ANKRD11: variants seen among roughly 807,000 people sequenced by gnomAD.
The protein encoded by ANKRD11 is ankyrin repeat domain 11.
In ANKRD11, 17 loss-of-function variants were observed where a neutral mutation model predicts 195.7. That is an observed-to-expected ratio of 0.09 (90% CI 0.06 to 0.13). The LOEUF is 0.13. Among genes scored for constraint, ANKRD11 ranks in the 10% least tolerant of loss-of-function variants. ANKRD11 has a pLI of 1.00. For synonymous variants in ANKRD11, 1,953 were observed against 1,528.1 expected (o/e 1.28, Z -6.49); for missense variants, 3,735 against 3,566.1 (o/e 1.05, Z -1.21).
chr16:89,479,780 A>G (rs1357295795), intron 1 of ANKRD11, among the ~76,000 whole-genome samples: 2 of 151,946 alleles, frequency 1.3e-5, no homozygotes, highest in Non-Finnish European at 2.9e-5. Flanking sequence ...CATCTCCACT[A>G]AAAATACAAA....
intron 2 of ANKRD11, chr16:89,320,299 G>A (rs2037228501): frequency 6.6e-6 from 1 of 152,288 alleles, no homozygotes; most frequent in African/African-American, 2.4e-5. Context: ...TCCCTGGAAG[G>A]TGACTTGGCT....
chr16:89,337,105 G>A (rs1318762539), intron 2 of ANKRD11, among the ~76,000 whole-genome samples: 2 of 150,940 alleles, frequency 1.3e-5, no homozygotes, highest in African/African-American at 4.9e-5. Flanking sequence ...AGGATTGCTT[G>A]AACCTGGCAG....
chr16:89,323,181 C>A, intron 2 of ANKRD11: 1 of 588,866 alleles, frequency 1.7e-6, no homozygotes. Context: ...GTGCCTTGTG[C>A]ACACCTCACA....
chr16:89,284,168 CCTT>C lies in ANKRD11; in HGVS notation c.2371_2373del (p.Lys791del), dbSNP rs766042947. 5.0e-6 allele frequency: 8 copies of C among 1,605,140 alleles called. No individual in the cohort carries two copies. Among genetic ancestry groups the C allele is most frequent in the East Asian group, 2.2e-5 (1 of 44,884 alleles). On this transcript the variant is annotated inframe_deletion, in exon 9 of 13. Transcript: ENST00000301030. ...TCTTTATCTTCTTTAAAAATCTTCT[CCTT>C]CTCTTTTGAAATTTTGTCCTCTTTT...
rs977735530 is a variant in ANKRD11, at chr16:89,282,328, G to A, written c.4214C>T (p.Ser1405Phe). ...DFLEADAYGVSYNMKADIEDE... is the reference protein window; with the variant it reads ...DFLEADAYGVFYNMKADIEDE... ...TTCTATGTCAGCTTTCATGTTGTAA[G>A]AAACTCCGTAAGCATCCGCCTCCAG... Residue 1405 changes from serine (S) to phenylalanine (F), a missense_variant, in exon 9 of 13, where the codon TCT becomes TTT. Ser to Phe is a radical substitution (Grantham distance 155). Transcript: ENST00000301030. 2 of 1,614,184 alleles carry A rather than the reference G, an allele frequency of 1.2e-6. No individual in the cohort carries two copies. The highest frequency in any genetic ancestry group is 2.2e-5 in the East Asian group (1 of 44,886).
Position 89,461,000 on chromosome 16 carries a change from G to C in ANKRD11, c.-145+29245C>G, listed in dbSNP as rs1278063902. Among the ~76,000 whole-genome samples, 9 of 114,310 alleles carry C rather than the reference G, an allele frequency of 7.9e-5. No individual in the cohort carries two copies. In the Admixed American group the frequency reaches 9.4e-4, roughly 12 times the overall value. The allele number at this position is 114,310 out of a possible 152,430, so 75.0% of individuals were successfully genotyped here. A position where few individuals can be genotyped will look rare whatever the true frequency, so the allele number is the denominator to read the frequency against. On this transcript the variant is annotated intron_variant, in intron 1 of 12. Transcript: ENST00000301030. ...CCCCCCAACAGGAGACGCACCTTGA[G>C]TGGTGACATTCATAACAGAAGAAAG...
rs1339605052 is a variant in ANKRD11 at position 89,267,789 on chromosome 16, C to T, written c.*689G>A. 1.3e-5 allele frequency: 2 copies of T among 151,814 alleles called. No homozygotes were observed. The highest frequency in any genetic ancestry group is 4.9e-5 in the African/African-American group (2 of 41,190). 9.4% of individuals were successfully genotyped at this position (151,814 alleles called of 1,614,324 possible). A position where few individuals can be genotyped will look rare whatever the true frequency, so the allele number is the denominator to read the frequency against. On this transcript the variant is annotated 3_prime_UTR_variant, in exon 13 of 13. Transcript: ENST00000301030. ...TAAAACTGTACAGCGTTTACGGATA[C>T]ACTTTTTATATGATTATTGGCTCTG...
chr16:89,366,740 C>T (rs2039966283), intron 2 of ANKRD11, among the ~76,000 whole-genome samples: 1 of 152,208 alleles, frequency 6.6e-6, no homozygotes, highest in South Asian at 2.1e-4. Context: ...CCTAACAAAG[C>T]AGCTCTCTTG....
chr16:89,316,832 C>G (rs932299637), intron 3 of ANKRD11, 101 bp downstream of exon 3: 2 of 1,400,686 alleles, frequency 1.4e-6, no homozygotes. Flanking sequence ...GAGGAAAGGG[C>G]CGGAGGGCGG....
intron 11 of ANKRD11, chr16:89,272,731 C>T (rs1320225504): frequency 6.6e-6 from 1 of 152,048 alleles, no homozygotes. Flanking sequence ...TTAACGCAAC[C>T]CCATTTACTA....
chr16:89,290,573 G>A, intron 6 of ANKRD11, 52 bp downstream of exon 6: 1 of 1,593,826 alleles, frequency 6.3e-7, no homozygotes. Flanking sequence ...ACTGGGGGAG[G>A]CTCAGGGCTC....
At chr16:89,349,080 A>G (rs1019182435) in intron 2 of ANKRD11, among the ~76,000 whole-genome samples, 3 of 133,160 alleles carry the variant, frequency 2.3e-5, no homozygotes, top group African/African-American at 8.3e-5. Flanking sequence ...GTGAGTCTAG[A>G]TGGCACCACT....
intron 2 of ANKRD11, among the ~76,000 whole-genome samples, chr16:89,371,343 C>T (rs957829387): frequency 1.3e-5 from 2 of 152,226 alleles, no homozygotes; most frequent in African/African-American, 2.4e-5. Flanking sequence ...AGACAAGCAC[C>T]GCCAGTGTCC....
chr16:89,313,487 A>G, intron 3 of ANKRD11: 1 of 1,289,226 alleles, frequency 7.8e-7, no homozygotes, highest in Middle Eastern at 2.1e-4. Flanking sequence ...GGACACGCAC[A>G]AGCCGTCAGG....
rs903299750 is a variant in ANKRD11, at chr16:89,341,248, G to T, written c.-59-24170C>A. ...GCTGCCATCATGGCAAGCAGACCCG[G>T]TTTGGAAACAATGCTGTGGGTCCAT... On this transcript the variant is annotated intron_variant, in intron 2 of 12. Coordinates refer to ENST00000301030, the MANE Select transcript of ANKRD11 (RefSeq NM_013275.6). Among the ~76,000 whole-genome samples the T allele has an allele frequency of 2.0e-5, 3 of 152,326 alleles. No homozygotes were observed. In the South Asian group the frequency reaches 6.2e-4, roughly 32 times the overall value.
intron 3 of ANKRD11, among the ~76,000 whole-genome samples, chr16:89,306,987 G>C (rs185391130): frequency 6.6e-6 from 1 of 151,098 alleles, no homozygotes; most frequent in South Asian, 2.1e-4. Flanking sequence ...GGGACGGTGC[G>C]ACACACACAG....
chr16:89,469,529 C>T (rs1341382032), intron 1 of ANKRD11, among the ~76,000 whole-genome samples: 1 of 151,958 alleles, frequency 6.6e-6, no homozygotes, highest in Non-Finnish European at 1.5e-5. Context: ...GGTTGATCTC[C>T]ACTCATCACT....
intron 1 of ANKRD11, among the ~76,000 whole-genome samples, chr16:89,485,893 A>C (rs939518383): frequency 2.0e-5 from 3 of 152,130 alleles, no homozygotes; most frequent in African/African-American, 7.2e-5. Flanking sequence ...GCAGCAGCAA[A>C]CCACACTTAG....
intron 7 of ANKRD11, chr16:89,286,597 A>G: frequency 1.8e-6 from 2 of 1,116,452 alleles, no homozygotes; most frequent in Non-Finnish European, 2.3e-6. Context: ...CTCAGGCAAG[A>G]GGTTAGGGAG....
Sources: allele counts gnomAD v4.1 joint callset (sites outside exome capture counted in the v4.1 genomes callset), GRCh38; gene constraint gnomAD v4.1.1; transcripts MANE v1.5; gene names NCBI Gene and HGNC (gene_info 2026-07-23, HGNC 2026-07-21).